ME1: variants seen among roughly 807,000 people sequenced by gnomAD.
The protein encoded by ME1 is malic enzyme 1.
In ME1, 74 loss-of-function variants were observed where a neutral mutation model predicts 66.4. The observed-to-expected ratio is 1.11, with a 90% confidence interval of 0.92 to 1.35. ME1 has a LOEUF of 1.35. Ranked by LOEUF, ME1 falls within the 40% of genes most tolerant of loss-of-function variation. ME1 has a pLI of 0.00. For synonymous variants in ME1, 251 were observed against 235.6 expected (o/e 1.07, Z -0.60); for missense variants, 750 against 694.1 (o/e 1.08, Z -0.90).
chr6:83,246,929 T>C (rs1790634492), intron 7 of ME1, among the ~76,000 whole-genome samples: 1 of 152,144 alleles, frequency 6.6e-6, no homozygotes, highest in Non-Finnish European at 1.5e-5. Context: ...CACTTGCTGT[T>C]TAATAAATTT....
intron 7 of ME1, among the ~76,000 whole-genome samples, chr6:83,248,336 TG>T (rs1790660132): frequency 6.6e-6 from 1 of 152,214 alleles, no homozygotes; most frequent in African/African-American, 2.4e-5. Context: ...TCTGTAGTTT[TG>T]TTCAACAGTT....
intron 8 of ME1, among the ~76,000 whole-genome samples, chr6:83,239,156 T>C (rs1002139689): frequency 3.9e-5 from 6 of 152,034 alleles, no homozygotes; most frequent in Admixed American, 3.3e-4. Flanking sequence ...GTGAGTCAAA[T>C]TTTAAAAACT....
chr6:83,332,233 T>C (rs576183307), intron 5 of ME1, among the ~76,000 whole-genome samples: 5 of 152,236 alleles, frequency 3.3e-5, no homozygotes, highest in African/African-American at 9.6e-5. Context: ...AAAATGGCCA[T>C]TATTTTAAAG....
At chr6:83,329,855 C>T (rs1359334568) in intron 5 of ME1, among the ~76,000 whole-genome samples, 1 of 152,158 alleles carries the variant, frequency 6.6e-6, no homozygotes, top group Non-Finnish European at 1.5e-5. Flanking sequence ...AGTTCTCACT[C>T]TGTTGTCTAT....
Position 83,312,303 on chromosome 6 carries a change from G to C in ME1, c.704+3007C>G, listed in dbSNP as rs193285802. 5.1e-4 allele frequency among the ~76,000 whole-genome samples: 78 copies of C among 152,200 alleles called. 1 individual carries two copies. The highest frequency in any genetic ancestry group is 1.7e-3 in the African/African-American group (72 of 41,496). ...GGCATACAGGAGCCAGTAATAAATGGAGCCCCAGCCAAGTTCTGGCTCATA... is the reference window on the plus strand; with the variant it reads ...GGCATACAGGAGCCAGTAATAAATGCAGCCCCAGCCAAGTTCTGGCTCATA... On this transcript the variant is annotated intron_variant, in intron 6 of 13. Coordinates refer to ENST00000369705, the MANE Select transcript of ME1 (RefSeq NM_002395.6).
At chr6:83,357,273 G>A (rs1202706973) in intron 3 of ME1, among the ~76,000 whole-genome samples, 1 of 152,184 alleles carries the variant, frequency 6.6e-6, no homozygotes, top group East Asian at 1.9e-4. Flanking sequence ...TTACTGCAAA[G>A]TCATTCTTTC....
chr6:83,392,831 A>C (rs12191369), intron 3 of ME1: 199,581 of 744,172 alleles, frequency 0.27, 29,836 homozygotes, highest in Admixed American at 0.39. Flanking sequence ...AACCATGAGA[A>C]ATATGACAAC....
chr6:83,304,999 G>A (rs376067547), intron 6 of ME1, among the ~76,000 whole-genome samples: 26 of 152,212 alleles, frequency 1.7e-4, no homozygotes, highest in African/African-American at 5.5e-4. Flanking sequence ...TGAGACAATC[G>A]GGTATTCATT....
At chr6:83,391,515 A>G (rs1026148461) in intron 3 of ME1, among the ~76,000 whole-genome samples, 5 of 152,048 alleles carry the variant, frequency 3.3e-5, no homozygotes, top group African/African-American at 9.7e-5. Flanking sequence ...GCTTTAGTCT[A>G]TTCTCAACAC....
At chr6:83,237,945 G>C (rs1395635758) in intron 8 of ME1, 115 bp from the exon 9 acceptor site, 15 of 514,524 alleles carry the variant, frequency 2.9e-5, no homozygotes, top group Non-Finnish European at 4.8e-5. Context: ...GTCACATTTA[G>C]GTTAAGCCAA....
intron 3 of ME1, among the ~76,000 whole-genome samples, chr6:83,396,401 A>G (rs1320859981): frequency 1.3e-5 from 2 of 152,196 alleles, no homozygotes; most frequent in African/African-American, 4.8e-5. Flanking sequence ...CAAAATACTT[A>G]GGAATAAATT....
In ME1 at chr6:83,430,884, A is replaced by G. The variant is rs1370468951; in HGVS notation, c.71T>C (p.Leu24Pro). 3 of 1,601,710 alleles carry G rather than the reference A, an allele frequency of 1.9e-6. No individual in the cohort carries two copies. Among genetic ancestry groups the G allele is most frequent in the East Asian group, 2.3e-5 (1 of 43,674 alleles). ...RGYLLTRNPH[L>P]NKDLAFTLEE... ...GTGGGCCTGCGGGTTTACCTTGTTG[A>G]GGTGAGGGTTCCGTGTCAGCAGGTA... The change falls in exon 1 of 14, where the codon CTC (leucine) becomes CCC (proline). Residue 24 changes from leucine to proline, a missense_variant. By Grantham distance (98) the Leu-to-Pro change is moderately conservative. Coordinates refer to ENST00000369705, the MANE Select transcript of ME1 (RefSeq NM_002395.6).
At position 83,234,698 on chromosome 6, in the gene ME1, C is replaced by T. The variant is rs527913562; in HGVS notation, c.1026+3019G>A. On this transcript the variant is annotated intron_variant, in intron 9 of 13. Coordinates refer to ENST00000369705, the MANE Select transcript of ME1 (RefSeq NM_002395.6). ...AACAGCTTTGTAACTAGTTCTTTTT[C>T]TCAGTTTCCCCTCATTGCAATCCAT... 3.9e-5 allele frequency among the ~76,000 whole-genome samples: 6 copies of T among 152,204 alleles called. No individual in the cohort carries two copies. In the South Asian group the frequency reaches 1.2e-3, roughly 32 times the overall value.
intron 6 of ME1, among the ~76,000 whole-genome samples, chr6:83,310,455 A>G (rs1463305774): frequency 6.6e-6 from 1 of 152,078 alleles, no homozygotes; most frequent in Non-Finnish European, 1.5e-5. Flanking sequence ...AAACCTCTTA[A>G]ACACTAAACT....
At chr6:83,285,782 T>C (rs896217942) in intron 6 of ME1, among the ~76,000 whole-genome samples, 6 of 152,242 alleles carry the variant, frequency 3.9e-5, no homozygotes, top group African/African-American at 1.4e-4. Context: ...ACACATTTCC[T>C]ATTTGTTTGA....
intron 3 of ME1, among the ~76,000 whole-genome samples, chr6:83,384,880 G>A (rs1769478408): frequency 6.6e-6 from 1 of 151,872 alleles, no homozygotes; most frequent in Non-Finnish European, 1.5e-5. Flanking sequence ...ATTGAATAGG[G>A]AGTCCTTTCT....
intron 6 of ME1, among the ~76,000 whole-genome samples, chr6:83,285,100 T>C (rs1222402146): frequency 7.9e-5 from 12 of 152,120 alleles, no homozygotes; most frequent in African/African-American, 7.2e-5. Flanking sequence ...AGACTGAAAA[T>C]AAGTGAATGG....
At chr6:83,253,541 T>C in intron 7 of ME1, 88 bp downstream of exon 7, 1 of 710,086 alleles carries the variant, frequency 1.4e-6, no homozygotes, top group South Asian at 1.7e-5. Context: ...AGGTACTCAG[T>C]ATATATTGAT....
At chr6:83,332,520 C>T (rs1286090302) in intron 5 of ME1, among the ~76,000 whole-genome samples, 1 of 152,148 alleles carries the variant, frequency 6.6e-6, no homozygotes, top group Non-Finnish European at 1.5e-5. Context: ...TGCCCATCAA[C>T]CAATGAGTGG....
Sources: allele counts gnomAD v4.1 joint callset (sites outside exome capture counted in the v4.1 genomes callset), GRCh38; gene constraint gnomAD v4.1.1; transcripts MANE v1.5; gene names NCBI Gene and HGNC (gene_info 2026-07-23, HGNC 2026-07-21).